Variants in ABTB3 observed in about 807,000 individuals in gnomAD.
ABTB3 encodes ankyrin repeat and BTB domain containing 3.
At chr12:107,446,663 C>T in the ABTB3 span, among the ~76,000 whole-genome samples, 1 of 152,166 alleles carries the variant, frequency 6.6e-6, no homozygotes, top group African/African-American at 2.4e-5. Flanking sequence ...CTGCATCCAT[C>T]CCCAGAGTGA....
At chr12:107,574,384 T>C in the ABTB3 span, among the ~76,000 whole-genome samples, 2 of 152,216 alleles carry the variant, frequency 1.3e-5, no homozygotes, top group African/African-American at 4.8e-5. Context: ...TCAAAATATG[T>C]TCCATAGACC....
chr12:107,658,506 C>A, the ABTB3 span: 1 of 152,572 alleles, frequency 6.6e-6, no homozygotes, highest in African/African-American at 2.4e-5. Flanking sequence ...TTGAAAGCAA[C>A]CTGCATGCTA....
the ABTB3 span, among the ~76,000 whole-genome samples, chr12:107,655,626 A>G: frequency 7.3e-4 from 112 of 152,382 alleles, no homozygotes; most frequent in African/African-American, 2.7e-3. Context: ...GCCACGTTCC[A>G]AATGTCAACC....
the ABTB3 span, among the ~76,000 whole-genome samples, chr12:107,605,420 A>T: frequency 6.6e-6 from 1 of 152,228 alleles, no homozygotes; most frequent in Non-Finnish European, 1.5e-5. Flanking sequence ...CGTGTCAGAG[A>T]TGTCCTGCAG....
chr12:107,524,059 AGAGGCAGCCT>A, the ABTB3 span, among the ~76,000 whole-genome samples: 17 of 152,224 alleles, frequency 1.1e-4, no homozygotes, highest in Non-Finnish European at 1.8e-4. Context: ...TCTTCACCTA[AGAGGCAGCCT>A]GCAGGAGCTG....
chr12:107,368,016 T>A, the ABTB3 span, among the ~76,000 whole-genome samples: 1 of 152,108 alleles, frequency 6.6e-6, no homozygotes, highest in Admixed American at 6.5e-5. Flanking sequence ...ATGTTCTCAA[T>A]ATCTATCCAT....
At chr12:107,422,354 AT>A in the ABTB3 span, among the ~76,000 whole-genome samples, 1 of 152,200 alleles carries the variant, frequency 6.6e-6, no homozygotes, top group Admixed American at 6.5e-5. Context: ...CTTACAGGCC[AT>A]GATGAGGCCC....
At chr12:107,560,893 T>A in the ABTB3 span, among the ~76,000 whole-genome samples, 10 of 152,202 alleles carry the variant, frequency 6.6e-5, no homozygotes, top group Non-Finnish European at 1.3e-4. Context: ...TTGTGTCTAA[T>A]TCTGGATTTT....
chr12:107,456,462 G>A, the ABTB3 span, among the ~76,000 whole-genome samples: 39 of 152,258 alleles, frequency 2.6e-4, no homozygotes, highest in Non-Finnish European at 3.8e-4. Context: ...TAAGTCGTGC[G>A]CTCCTTATGA....
At chr12:107,484,560 A>T in the ABTB3 span, among the ~76,000 whole-genome samples, 2 of 150,204 alleles carry the variant, frequency 1.3e-5, no homozygotes, top group African/African-American at 4.9e-5. Flanking sequence ...GGGATGGGGC[A>T]TTGGAGTGTT....
chr12:107,505,773 G>A, the ABTB3 span, among the ~76,000 whole-genome samples: 2 of 152,132 alleles, frequency 1.3e-5, no homozygotes, highest in East Asian at 3.8e-4. Flanking sequence ...CTTATAAAGT[G>A]AGAAAATGCA....
At chr12:107,341,546 T>C in the ABTB3 span, among the ~76,000 whole-genome samples, 2 of 152,176 alleles carry the variant, frequency 1.3e-5, no homozygotes, top group African/African-American at 2.4e-5. Flanking sequence ...TAGTGACCCC[T>C]TTGTTTGGTG....
chr12:107,515,221 G>T, the ABTB3 span, among the ~76,000 whole-genome samples: 3 of 152,008 alleles, frequency 2.0e-5, no homozygotes, highest in African/African-American at 7.2e-5. Flanking sequence ...CCAAGTCCCA[G>T]TTGCTCAATA....
At chr12:107,520,627 G>T in the ABTB3 span, 1 of 1,614,128 alleles carries the variant, frequency 6.2e-7, no homozygotes. Context: ...AGGCAGCATC[G>T]CCGAATTGAG....
the ABTB3 span, among the ~76,000 whole-genome samples, chr12:107,525,324 CAAAAAAAAAAA>C: frequency 4.0e-4 from 14 of 34,892 alleles, no homozygotes; most frequent in Admixed American, 7.5e-4. Context: ...AAGATCCTGT[CAAAAAAAAAAA>C]AAAAAAAAAA....
chr12:107,618,008 A>C, the ABTB3 span: 18 of 680,828 alleles, frequency 2.6e-5, no homozygotes, highest in Non-Finnish European at 4.4e-5. Context: ...TGTGGCACCC[A>C]CTGTTAGGCC....
chr12:107,377,084 C>T, the ABTB3 span, among the ~76,000 whole-genome samples: 2 of 152,160 alleles, frequency 1.3e-5, no homozygotes, highest in Non-Finnish European at 2.9e-5. Context: ...GGGAGTGCTG[C>T]TGGCGCAGCT....
At chr12:107,643,800 G>A in the ABTB3 span, among the ~76,000 whole-genome samples, 2 of 138,768 alleles carry the variant, frequency 1.4e-5, no homozygotes, top group African/African-American at 5.6e-5. Flanking sequence ...GTCTGGCTCT[G>A]TTGTCCAGGT....
chr12:107,538,383 G>T, the ABTB3 span, among the ~76,000 whole-genome samples: 1 of 152,230 alleles, frequency 6.6e-6, no homozygotes, highest in African/African-American at 2.4e-5. Context: ...TTAAATGGGT[G>T]TAACAGGTCT....
Sources: gnomAD v4.1 joint callset for allele counts (sites outside exome capture counted in the v4.1 genomes callset) on GRCh38, gnomAD v4.1.1 for gene constraint, MANE v1.5 for transcripts, NCBI Gene and HGNC (gene_info 2026-07-23, HGNC 2026-07-21) for gene names.